Variants in PTPRM observed in about 807,000 individuals in gnomAD.
PTPRM encodes receptor-type tyrosine-protein phosphatase mu.
A neutral mutation model predicts 186.7 loss-of-function variants in PTPRM; 47 were observed. The ratio of observed to expected loss-of-function variants is 0.25; its 90% CI spans 0.20 to 0.32. PTPRM has a LOEUF of 0.32. Among genes scored for constraint, PTPRM ranks in the 10% least tolerant of loss-of-function variants. PTPRM has a pLI of 1.00. For synonymous variants in PTPRM, 668 were observed against 674.9 expected (o/e 0.99, Z 0.16); for missense variants, 1,494 against 1,865.0 (o/e 0.80, Z 3.66).
At chr18:7,576,797 G>A (rs546279214) in intron 1 of PTPRM, among the ~76,000 whole-genome samples, 1 of 152,260 alleles carries the variant, frequency 6.6e-6, no homozygotes, top group Admixed American at 6.5e-5. Flanking sequence ...GATACTATTT[G>A]TTCTCTCTTC....
intron 14 of PTPRM, among the ~76,000 whole-genome samples, chr18:8,243,059 A>C (rs191795991): frequency 1.1e-4 from 16 of 152,294 alleles, no homozygotes; most frequent in Admixed American, 9.8e-4. Context: ...TCTAATTCTC[A>C]TCTTGTCTGT....
chr18:8,318,433 A>G (rs1009623429), intron 21 of PTPRM, among the ~76,000 whole-genome samples: 4 of 151,506 alleles, frequency 2.6e-5, no homozygotes. Flanking sequence ...AGTAGGTGGG[A>G]CTACAGGTGC....
At chr18:7,948,408 G>A (rs1005943388) in intron 5 of PTPRM, among the ~76,000 whole-genome samples, 3 of 152,104 alleles carry the variant, frequency 2.0e-5, no homozygotes, top group African/African-American at 7.2e-5. Flanking sequence ...GAAGCCACGA[G>A]GTTTGAGGCT....
intron 1 of PTPRM, among the ~76,000 whole-genome samples, chr18:7,639,450 G>A (rs757888363): frequency 1.3e-5 from 2 of 150,784 alleles, no homozygotes; most frequent in African/African-American, 2.5e-5. Context: ...GCGATGGCGT[G>A]ATCTTGGCTC....
chr18:7,960,472 T>C lies in PTPRM; in HGVS notation c.1132+5058T>C, dbSNP rs867216664. Among the ~76,000 whole-genome samples, 345 of 108,606 alleles carry C rather than the reference T, an allele frequency of 3.2e-3. 3 individuals are homozygous for C. Among genetic ancestry groups the C allele is most frequent in the African/African-American group, 0.013 (322 of 24,264 alleles). 71.2% of individuals were successfully genotyped at this position (108,606 alleles called of 152,430 possible). A position where few individuals can be genotyped will look rare whatever the true frequency, so the allele number is the denominator to read the frequency against. On this transcript the variant is annotated intron_variant, in intron 7 of 32. Transcript: ENST00000580170. Reference sequence around the variant, plus strand: ...CAACATATATATATATATATATATATATATATATACACACACACACACACA... The same window carrying C: ...CAACATATATATATATATATATATACATATATATACACACACACACACACA...
chr18:8,396,968 C>A (rs1367678539), intron 32 of PTPRM, among the ~76,000 whole-genome samples: 1 of 152,202 alleles, frequency 6.6e-6, no homozygotes, highest in African/African-American at 2.4e-5. Flanking sequence ...AATTAATTAG[C>A]TTAGGCCAGG....
intron 7 of PTPRM, among the ~76,000 whole-genome samples, chr18:8,038,534 A>C (rs1192419580): frequency 1.3e-5 from 2 of 151,896 alleles, no homozygotes; most frequent in Non-Finnish European, 2.9e-5. Flanking sequence ...TGGAATTACA[A>C]GCGTGTACCG....
intron 3 of PTPRM, among the ~76,000 whole-genome samples, chr18:7,897,710 A>G (rs926447004): frequency 6.6e-6 from 1 of 152,118 alleles, no homozygotes; most frequent in Non-Finnish European, 1.5e-5. Flanking sequence ...AAGTACTTCT[A>G]TTGTTTACCA....
chr18:8,352,429 CT>C, intron 23 of PTPRM, among the ~76,000 whole-genome samples: 1 of 152,060 alleles, frequency 6.6e-6, no homozygotes, highest in Non-Finnish European at 1.5e-5. Context: ...TTTTTAAACC[CT>C]TTCCCTCCTT....
intron 4 of PTPRM, among the ~76,000 whole-genome samples, chr18:7,917,765 C>T (rs912318290): frequency 6.9e-6 from 1 of 145,896 alleles, no homozygotes; most frequent in African/African-American, 2.5e-5. Context: ...GATCTTCAAG[C>T]ACTAAGTTTT....
chr18:7,852,750 G>C (rs2046927266), intron 2 of PTPRM, among the ~76,000 whole-genome samples: 1 of 152,086 alleles, frequency 6.6e-6, no homozygotes, highest in African/African-American at 2.4e-5. Context: ...CAGCTACTCA[G>C]AATGCAGAGG....
At chr18:8,117,652 A>G (rs545307975) in intron 13 of PTPRM, among the ~76,000 whole-genome samples, 30 of 152,246 alleles carry the variant, frequency 2.0e-4, no homozygotes, top group African/African-American at 6.5e-4. Context: ...GGGATTGCCT[A>G]TATTTTTATG....
chr18:7,613,818 C>T (rs146332713), intron 1 of PTPRM, among the ~76,000 whole-genome samples: 378 of 152,324 alleles, frequency 2.5e-3, no homozygotes, highest in Non-Finnish European at 3.9e-3. Flanking sequence ...ACTTTTGTCC[C>T]TTCCAATTGG....
chr18:7,996,054 CT>C (rs1826426606), intron 7 of PTPRM, among the ~76,000 whole-genome samples: 1 of 151,938 alleles, frequency 6.6e-6, no homozygotes, highest in African/African-American at 2.4e-5. Context: ...TTCATTATTG[CT>C]TAGTCTGCTG....
rs566795944 is a variant in PTPRM, at chr18:7,767,451, G to A, written c.74-6698G>A. ...TCTATTTCTTGTCAATTTGTTTTCC[G>A]TTGTTTTGTCTCCAGGCCTGAAGCT... On this transcript the variant is annotated intron_variant, in intron 1 of 32. Coordinates refer to ENST00000580170, the MANE Select transcript of PTPRM (RefSeq NM_001105244.2). Among the ~76,000 whole-genome samples the A allele has an allele frequency of 1.2e-4, 19 of 152,102 alleles. 1 individual carries two copies. The East Asian group carries it at 2.9e-3, about 23-fold the overall frequency.
At chr18:8,085,549 G>A (rs1338054231) in intron 9 of PTPRM, 122 bp from the exon 10 acceptor site, 2 of 824,018 alleles carry the variant, frequency 2.4e-6, no homozygotes, top group East Asian at 5.2e-5. Flanking sequence ...GATTTCAAGA[G>A]TCTGAGTAGG....
chr18:7,978,532 A>G (rs1467140648), intron 7 of PTPRM, among the ~76,000 whole-genome samples: 1 of 152,320 alleles, frequency 6.6e-6, no homozygotes. Context: ...GGTCACGTTA[A>G]TTATTTTGTC....
intron 1 of PTPRM, among the ~76,000 whole-genome samples, chr18:7,691,445 T>TTC (rs555681009): frequency 0.054 from 8,263 of 152,080 alleles, 311 homozygotes; most frequent in Admixed American, 0.09. Flanking sequence ...TACCGATGTT[T>TTC]GTGGGAGGAG....
At position 7,567,536 on chromosome 18, in the gene PTPRM, G is replaced by T. The variant is rs2036455093; in HGVS notation, c.-283G>T. 1 of 342,174 alleles carries T rather than the reference G, an allele frequency of 2.9e-6. No individual in the cohort carries two copies. 21.2% of individuals were successfully genotyped at this position (342,174 alleles called of 1,614,324 possible). ...GCGAGCTCAGCAACCGGAACCGAGG[G>T]AAGATTTTGGCTCCGCGGGCTCGCC... On this transcript the variant is annotated 5_prime_UTR_variant, in exon 1 of 33. Coordinates refer to ENST00000580170, the MANE Select transcript of PTPRM (RefSeq NM_001105244.2). This position sits in a 1 kb window ranked among gnomAD's most constrained non-coding sequence, Gnocchi z 4.3.
Sources: gnomAD v4.1 joint callset for allele counts (sites outside exome capture counted in the v4.1 genomes callset) on GRCh38, gnomAD v4.1.1 for gene constraint, Gnocchi (gnomAD v3.1) non-coding constraint, MANE v1.5 for transcripts, NCBI Gene and HGNC (gene_info 2026-07-23, HGNC 2026-07-21) for gene names.